The following ASB4 variants were observed in gnomAD, a reference collection of about 807,000 sequenced individuals.
ASB4 encodes ankyrin repeat and SOCS box protein 4.
A neutral mutation model predicts 38.6 loss-of-function variants in ASB4; 35 were observed. That is an observed-to-expected ratio of 0.91 (90% CI 0.69 to 1.20). The LOEUF (loss-of-function observed/expected upper bound fraction) is 1.20. Ranked by LOEUF, ASB4 falls within the 50% of genes most tolerant of loss-of-function variation. The pLI is 0.00. For synonymous variants in ASB4, 195 were observed against 201.3 expected, an observed-to-expected ratio of 0.97 and a Z score of 0.26; for missense variants, 557 against 527.2, an observed-to-expected ratio of 1.06 and a Z score of -0.55.
chr7:95,506,106 T>A (rs1162661080), intron 2 of ASB4, among the ~76,000 whole-genome samples: 3 of 152,164 alleles, frequency 2.0e-5, no homozygotes, highest in Non-Finnish European at 4.4e-5. Context: ...GCTATTTTGA[T>A]GAGGCTAGTC....
chr7:95,493,023 A>G (rs1220722310), intron 1 of ASB4, among the ~76,000 whole-genome samples: 2 of 152,186 alleles, frequency 1.3e-5, no homozygotes, highest in African/African-American at 4.8e-5. Flanking sequence ...GCACACACAT[A>G]CACACGAGGC....
intron 1 of ASB4, among the ~76,000 whole-genome samples, chr7:95,489,309 C>T (rs1014255088): frequency 6.6e-6 from 1 of 152,296 alleles, no homozygotes; most frequent in East Asian, 1.9e-4. Flanking sequence ...TCTGGAAGCT[C>T]ATTTCTGCTT....
At chr7:95,477,397 T>C (rs922654039), upstream of ASB4, among the ~76,000 whole-genome samples, 3 of 152,208 alleles carry the variant, frequency 2.0e-5, no homozygotes, top group Non-Finnish European at 1.5e-5. Context: ...CATCAAAAAA[T>C]ATATAAAATA....
chr7:95,515,229 C>CTTT (rs1227234730), intron 2 of ASB4, among the ~76,000 whole-genome samples: 1 of 83,106 alleles, frequency 1.2e-5, no homozygotes, highest in Non-Finnish European at 2.4e-5. Flanking sequence ...TTCTTTCTTT[C>CTTT]TTTTTCTTTC....
chr7:95,550,479 G>A, the ASB4 span, among the ~76,000 whole-genome samples: 2 of 152,130 alleles, frequency 1.3e-5, no homozygotes, highest in Non-Finnish European at 2.9e-5. Flanking sequence ...AGTTATTACC[G>A]CCCCTCTGTG....
Position 95,496,031 on chromosome 7 carries a change from T to A in ASB4, c.461T>A (p.Leu154His). 1 of 1,613,580 alleles carries A rather than the reference T, an allele frequency of 6.2e-7. No homozygotes were observed. The highest frequency in any genetic ancestry group is 8.5e-7 in the Non-Finnish European group (1 of 1,179,568). Reference sequence around the variant, plus strand: ...TTTTGTACAACTCCAAGTTCCATTCTCTGTGCCAAGCAATTGGTTTGGAGA... The same window carrying A: ...TTTTGTACAACTCCAAGTTCCATTCACTGTGCCAAGCAATTGGTTTGGAGA... Reference protein sequence around the residue: ...LHFCTTPSSILCAKQLVWRGA... With the variant: ...LHFCTTPSSIHCAKQLVWRGA... The change falls in exon 2 of 5, where the codon CTC (leucine) becomes CAC (histidine). Residue 154 changes from leucine to histidine, a missense_variant. Physicochemically the swap from Leu to His is moderately conservative, Grantham distance 99 (BLOSUM62 -3). Transcript: ENST00000325885.
intron 2 of ASB4, among the ~76,000 whole-genome samples, chr7:95,513,021 C>A (rs1191745561): frequency 3.3e-5 from 5 of 151,890 alleles, no homozygotes; most frequent in Admixed American, 1.3e-4. Flanking sequence ...AAATCAGGGA[C>A]CTTTTTTGGC....
At chr7:95,515,229 CT>C (rs1227234730) in intron 2 of ASB4, among the ~76,000 whole-genome samples, 2 of 83,106 alleles carry the variant, frequency 2.4e-5, no homozygotes, top group Non-Finnish European at 4.8e-5. Context: ...TTCTTTCTTT[CT>C]TTTTCTTTCT....
chr7:95,470,937 A>G, the ASB4 span, among the ~76,000 whole-genome samples: 1 of 152,216 alleles, frequency 6.6e-6, no homozygotes, highest in Non-Finnish European at 1.5e-5. Flanking sequence ...TTTACAAAGT[A>G]AGTTTAACTT....
intron 2 of ASB4, among the ~76,000 whole-genome samples, chr7:95,498,973 C>A (rs901686417): frequency 7.2e-5 from 11 of 152,094 alleles, no homozygotes; most frequent in Admixed American, 4.6e-4. Flanking sequence ...GGGTTTATTT[C>A]TGGACTCCAG....
the ASB4 span, among the ~76,000 whole-genome samples, chr7:95,550,552 G>C: frequency 3.1e-4 from 47 of 152,180 alleles, no homozygotes; most frequent in African/African-American, 1.1e-3. Flanking sequence ...CTCTTGATCA[G>C]TCGAAAAATT....
chr7:95,522,285 T>A (rs1031854787), intron 2 of ASB4, among the ~76,000 whole-genome samples: 24 of 152,178 alleles, frequency 1.6e-4, no homozygotes, highest in African/African-American at 5.3e-4. Flanking sequence ...TAATTTTTTT[T>A]ATTTTGGAAT....
Position 95,528,008 on chromosome 7 carries a change from G to A in ASB4, c.683G>A (p.Ser228Asn), listed in dbSNP as rs201556151. 3.7e-6 allele frequency: 6 copies of A among 1,614,134 alleles called. No homozygotes were observed. The East Asian group carries it at 1.1e-4, about 30-fold the overall frequency. Reference sequence around the variant, plus strand: ...CTCCGCTTTAAGGAGCAGGAGTACAGCACGGAGCACCACCTGGTCTGCCGC... The same window carrying A: ...CTCCGCTTTAAGGAGCAGGAGTACAACACGGAGCACCACCTGGTCTGCCGC... ...WALRFKEQEY[S>N]TEHHLVCRML... is the part of the protein sequence containing the mutation. The change falls in exon 3 of 5, where the codon AGC (serine) becomes AAC (asparagine). Residue 228 changes from serine to asparagine, a missense_variant. By Grantham distance (46) the Ser-to-Asn change is conservative (BLOSUM62 1). Coordinates refer to ENST00000325885, the MANE Select transcript of ASB4 (RefSeq NM_016116.3).
chr7:95,472,772 C>T, the ASB4 span, among the ~76,000 whole-genome samples: 1 of 152,040 alleles, frequency 6.6e-6, no homozygotes, highest in Non-Finnish European at 1.5e-5. Flanking sequence ...TGCAGCTAGC[C>T]CCAAGGAGCA....
intron 2 of ASB4, among the ~76,000 whole-genome samples, chr7:95,511,295 G>A (rs777662599): frequency 2.8e-4 from 42 of 151,930 alleles, no homozygotes; most frequent in Non-Finnish European, 5.3e-4. Context: ...GGAAGGCCCA[G>A]TTAGGGAGTC....
downstream of ASB4, among the ~76,000 whole-genome samples, chr7:95,541,871 A>T (rs1434317703): frequency 1.3e-5 from 2 of 152,182 alleles, no homozygotes; most frequent in East Asian, 3.9e-4. Flanking sequence ...AGCAGAGGGT[A>T]GAATAATTTC....
At chr7:95,472,646 C>G in the ASB4 span, among the ~76,000 whole-genome samples, 11 of 152,096 alleles carry the variant, frequency 7.2e-5, no homozygotes, top group South Asian at 1.5e-3. Flanking sequence ...CTGCCAAGGT[C>G]CACGTGCATA....
intron 2 of ASB4, among the ~76,000 whole-genome samples, chr7:95,517,059 T>C (rs1215496931): frequency 6.6e-6 from 1 of 152,258 alleles, no homozygotes; most frequent in African/African-American, 2.4e-5. Context: ...TATCCCTGTG[T>C]TAATGATCAT....
the ASB4 span, among the ~76,000 whole-genome samples, chr7:95,549,336 G>A: frequency 2.8e-3 from 355 of 128,448 alleles, 5 homozygotes; most frequent in Non-Finnish European, 9.0e-4. Context: ...TCGCCCTGTC[G>A]CCCAGGCTGC....
Sources: allele counts gnomAD v4.1 joint callset (sites outside exome capture counted in the v4.1 genomes callset), GRCh38; gene constraint gnomAD v4.1.1; transcripts MANE v1.5; gene names NCBI Gene and HGNC (gene_info 2026-07-23, HGNC 2026-07-21).